The following BAZ2B variants were observed in gnomAD, a reference collection of about 807,000 sequenced individuals.
BAZ2B encodes the protein bromodomain adjacent to zinc finger domain protein 2B.
Under a neutral mutation model 246.0 loss-of-function variants are expected in BAZ2B, and 91 were observed. The ratio of observed to expected loss-of-function variants is 0.37; its 90% CI spans 0.31 to 0.44. BAZ2B has a LOEUF of 0.44. BAZ2B is among the 20% of genes least tolerant of loss of function. The probability of loss-of-function intolerance (pLI) is 1.00; values close to 1 mark genes in which losing one functional copy is unlikely to be tolerated. For synonymous variants in BAZ2B, 855 were observed against 860.0 expected (o/e 0.99, Z 0.10); for missense variants, 2,332 against 2,533.7 (o/e 0.92, Z 1.71).
chr2:159,363,487 G>T (rs962909297), intron 27 of BAZ2B, among the ~76,000 whole-genome samples: 16 of 152,156 alleles, frequency 1.1e-4, no homozygotes, highest in African/African-American at 3.9e-4. Flanking sequence ...GGCAATGTTG[G>T]ACATGAAATA....
chr2:159,534,019 T>C (rs1482875903), intron 2 of BAZ2B, among the ~76,000 whole-genome samples: 1 of 152,212 alleles, frequency 6.6e-6, no homozygotes, highest in African/African-American at 2.4e-5. Flanking sequence ...GAGGCCGTAA[T>C]CAAATTAAAA....
At chr2:159,538,771 C>A (rs2086307652) in intron 2 of BAZ2B, among the ~76,000 whole-genome samples, 1 of 152,064 alleles carries the variant, frequency 6.6e-6, no homozygotes, top group South Asian at 2.1e-4. Context: ...ATGAAGCCTG[C>A]CTTCAAAACT....
chr2:159,683,887 C>G, the BAZ2B span, among the ~76,000 whole-genome samples: 1 of 152,148 alleles, frequency 6.6e-6, no homozygotes, highest in African/African-American at 2.4e-5. Flanking sequence ...TCTACAAAGT[C>G]TTTTTTGCTT....
downstream of BAZ2B, among the ~76,000 whole-genome samples, chr2:159,315,571 A>G (rs174232): frequency 0.95 from 145,417 of 152,310 alleles, 69,788 homozygotes; most frequent in East Asian, 1. Context: ...TCATAACATA[A>G]TGGCTGGTTT....
At chr2:159,555,265 A>C (rs1226668062) in intron 2 of BAZ2B, among the ~76,000 whole-genome samples, 1 of 151,456 alleles carries the variant, frequency 6.6e-6, no homozygotes, top group Non-Finnish European at 1.5e-5. Flanking sequence ...CTATTTTTGT[A>C]TTTTTAGTAG....
chr2:159,391,351 A>G (rs753314862), intron 20 of BAZ2B, among the ~76,000 whole-genome samples: 1 of 152,122 alleles, frequency 6.6e-6, no homozygotes, highest in Non-Finnish European at 1.5e-5. Flanking sequence ...ATGTCACTCT[A>G]TGATGTCTGC....
At chr2:159,479,200 C>G (rs1362012010) in intron 2 of BAZ2B, among the ~76,000 whole-genome samples, 1 of 151,968 alleles carries the variant, frequency 6.6e-6, no homozygotes, top group African/African-American at 2.4e-5. Context: ...GCCTGGGAAT[C>G]CCCCCCATAC....
intron 25 of BAZ2B, among the ~76,000 whole-genome samples, chr2:159,381,398 C>T (rs1187855682): frequency 1.3e-5 from 2 of 152,100 alleles, no homozygotes; most frequent in Non-Finnish European, 2.9e-5. Context: ...CCTGATTTCC[C>T]TATTTTAGTT....
At chr2:159,390,690 T>C (rs2063225425) in intron 20 of BAZ2B, among the ~76,000 whole-genome samples, 2 of 152,080 alleles carry the variant, frequency 1.3e-5, no homozygotes, top group Admixed American at 6.6e-5. Context: ...TTTGAAAAAT[T>C]GCTAGCAGTT....
chr2:159,711,030 T>A, the BAZ2B span: 1 of 152,190 alleles, frequency 6.6e-6, no homozygotes, highest in African/African-American at 2.4e-5. Context: ...CTACAGAGCA[T>A]GGGTACTGTT....
intron 2 of BAZ2B, among the ~76,000 whole-genome samples, chr2:159,518,147 T>G (rs943057692): frequency 1.3e-5 from 2 of 152,222 alleles, no homozygotes; most frequent in Non-Finnish European, 2.9e-5. Flanking sequence ...CATCTTAGTT[T>G]CCTATAATGT....
At chr2:159,496,307 C>T (rs79967579) in intron 2 of BAZ2B, among the ~76,000 whole-genome samples, 2 of 138,864 alleles carry the variant, frequency 1.4e-5, no homozygotes, top group Non-Finnish European at 1.5e-5. Flanking sequence ...ACCCAGGAGG[C>T]GGAGGTTGCA....
intron 1 of BAZ2B, among the ~76,000 whole-genome samples, chr2:159,609,785 T>C (rs530874169): frequency 6.8e-6 from 1 of 146,640 alleles, no homozygotes; most frequent in African/African-American, 2.5e-5. Context: ...AGTGACCAGA[T>C]TTTAAATGCA....
rs2063197332 is a variant in BAZ2B at position 159,324,662 on chromosome 2, AC to A, written c.6353+148del. ...CACACACACACACACACACACACACACACACACACACACACACACACACACA... is the reference window on the plus strand; with the variant it reads ...CACACACACACACACACACACACACAACACACACACACACACACACACACA... On this transcript the variant is annotated intron_variant, in intron 36 of 36. Coordinates refer to ENST00000392783, the MANE Select transcript of BAZ2B (RefSeq NM_013450.4). 6 of 324,598 alleles carry A rather than the reference AC, an allele frequency of 1.8e-5. No homozygotes were observed. In the South Asian group the frequency reaches 3.9e-4, roughly 21 times the overall value. 20.1% of individuals were successfully genotyped at this position (324,598 alleles called of 1,614,324 possible). A position where few individuals can be genotyped will look rare whatever the true frequency, so the allele number is the denominator to read the frequency against.
intron 27 of BAZ2B, among the ~76,000 whole-genome samples, chr2:159,355,722 C>T (rs955847490): frequency 1.4e-4 from 16 of 115,956 alleles, no homozygotes; most frequent in East Asian, 5.0e-4. Flanking sequence ...GGAACAGTTC[C>T]GGTCTGCAGC....
chr2:159,348,989 C>A lies in BAZ2B; in HGVS notation c.5137+18G>T, dbSNP rs2058276326. 6.2e-7 allele frequency: 1 copy of A among 1,611,136 alleles called. No individual in the cohort carries two copies. ...TTGAAATTGAGTAAGTGGCTGTAAA[C>A]CATCTCAATGTACCTACCTTCTGGA... On this transcript the variant is annotated intron_variant, in intron 29 of 36. Coordinates refer to ENST00000392783, the MANE Select transcript of BAZ2B (RefSeq NM_013450.4).
At chr2:159,696,396 TTTC>T in the BAZ2B span, among the ~76,000 whole-genome samples, 2 of 152,176 alleles carry the variant, frequency 1.3e-5, no homozygotes, top group African/African-American at 4.8e-5. Context: ...CTTCTATATT[TTTC>T]TTAACTGTTT....
chr2:159,519,526 G>A (rs1038983116), intron 2 of BAZ2B, among the ~76,000 whole-genome samples: 154 of 151,506 alleles, frequency 1.0e-3, no homozygotes, highest in Non-Finnish European at 1.7e-3. Flanking sequence ...CACCGCGCCC[G>A]GCCTCATATT....
At chr2:159,432,708 G>A (rs1370862715) in intron 9 of BAZ2B, 49 bp downstream of exon 9, 3 of 1,566,932 alleles carry the variant, frequency 1.9e-6, no homozygotes, top group Non-Finnish European at 2.6e-6. Context: ...AAAATGTTTG[G>A]TTCACATAGC....
Sources: gnomAD v4.1 joint callset for allele counts (sites outside exome capture counted in the v4.1 genomes callset) on GRCh38, gnomAD v4.1.1 for gene constraint, MANE v1.5 for transcripts, NCBI Gene and HGNC (gene_info 2026-07-23, HGNC 2026-07-21) for gene names.